The following ELOVL2 variants were observed in gnomAD, a reference collection of about 807,000 sequenced individuals.
The protein encoded by ELOVL2 is very long chain fatty acid elongase 2.
ELOVL2 carries 38 observed loss-of-function variants against 37.7 expected under a neutral mutation model. That is an observed-to-expected ratio of 1.01 (90% CI 0.78 to 1.32). The LOEUF (loss-of-function observed/expected upper bound fraction) is 1.32. Among genes scored for constraint, ELOVL2 ranks in the 40% most tolerant of loss-of-function variants. The pLI, the probability that ELOVL2 is intolerant of heterozygous loss-of-function variation, is 0.00. For missense variants in ELOVL2, 352 were observed against 363.6 expected, an observed-to-expected ratio of 0.97 and a Z score of 0.26; for synonymous variants, 115 against 122.3, an observed-to-expected ratio of 0.94 and a Z score of 0.40.
At chr6:11,016,936 G>A (rs1275567323) in intron 1 of ELOVL2, among the ~76,000 whole-genome samples, 1 of 148,334 alleles carries the variant, frequency 6.7e-6, no homozygotes, top group Non-Finnish European at 1.5e-5. Context: ...CCTTTTCAGG[G>A]CCTATCCACT....
intron 5 of ELOVL2, among the ~76,000 whole-genome samples, chr6:10,994,469 A>C (rs77313725): frequency 9.5e-6 from 1 of 105,774 alleles, no homozygotes; most frequent in East Asian, 7.5e-4. Flanking sequence ...ATTCCATCTC[A>C]AAAAAAAAAA....
At position 10,983,770 on chromosome 6, in the gene ELOVL2, G is replaced by T; in HGVS notation, c.*11C>A. The T allele has an allele frequency of 6.3e-7, 1 of 1,596,456 alleles. No homozygotes were observed. Among genetic ancestry groups the T allele is most frequent in the South Asian group, 1.1e-5 (1 of 87,222 alleles). ...TTAGGCTAGTATATGTGCTTTTTCTGTTACTCATTTTTATTGTGCTTTCTT... is the reference window on the plus strand; with the variant it reads ...TTAGGCTAGTATATGTGCTTTTTCTTTTACTCATTTTTATTGTGCTTTCTT... On this transcript the variant is annotated 3_prime_UTR_variant, in exon 8 of 8. Transcript: ENST00000354666.
intron 1 of ELOVL2, among the ~76,000 whole-genome samples, chr6:11,012,362 G>C (rs1246932525): frequency 2.0e-5 from 3 of 152,166 alleles, no homozygotes; most frequent in Non-Finnish European, 4.4e-5. Flanking sequence ...ATGTGAGAAA[G>C]GTCAGTTACC....
At chr6:10,998,254 A>C (rs1724490258) in intron 4 of ELOVL2, among the ~76,000 whole-genome samples, 1 of 152,202 alleles carries the variant, frequency 6.6e-6, no homozygotes, top group South Asian at 2.1e-4. Flanking sequence ...ACCCAGCCTC[A>C]GGTATTCCTT....
At chr6:11,043,404 AAC>A (rs34656289) in intron 1 of ELOVL2, 2,987 of 114,856 alleles carry the variant, frequency 0.026, 111 homozygotes, top group African/African-American at 0.067. Context: ...GACACGGGTG[AAC>A]ACACACACAC....
intron 1 of ELOVL2, among the ~76,000 whole-genome samples, chr6:11,026,960 A>G (rs140028623): frequency 9.3e-4 from 142 of 152,334 alleles, no homozygotes; most frequent in African/African-American, 3.0e-3. Flanking sequence ...AAGCTAATTA[A>G]CACATCCATT....
intron 7 of ELOVL2, among the ~76,000 whole-genome samples, chr6:10,987,631 G>C (rs1225640585): frequency 1.3e-5 from 2 of 151,946 alleles, no homozygotes; most frequent in African/African-American, 4.8e-5. Flanking sequence ...TTAAACTTCT[G>C]GTTAAAGATT....
In ELOVL2 at chr6:10,989,782, C is replaced by A; in HGVS notation, c.686G>T (p.Gly229Val). The A allele has an allele frequency of 6.2e-7, 1 of 1,614,156 alleles. No homozygotes were observed. The highest frequency in any genetic ancestry group is 1.1e-5 in the South Asian group (1 of 91,080). ...HTMSAVVKPC[G>V]FPFGCLIFQS... Reference sequence around the variant, plus strand: ...GAAGATGAGACAACCGAAGGGGAAGCCACACGGTTTCACGACGGCGCTCAT... The same window carrying A: ...GAAGATGAGACAACCGAAGGGGAAGACACACGGTTTCACGACGGCGCTCAT... The change falls in exon 7 of 8, where the codon GGC (glycine) becomes GTC (valine). Residue 229 changes from glycine (G) to valine (V), a missense_variant. Physicochemically the swap from Gly to Val is moderately radical, Grantham distance 109 (BLOSUM62 -3). Transcript: ENST00000354666.
At chr6:10,987,037 G>A (rs1224748739) in intron 7 of ELOVL2, among the ~76,000 whole-genome samples, 1 of 152,172 alleles carries the variant, frequency 6.6e-6, no homozygotes, top group African/African-American at 2.4e-5. Context: ...GCCTGTTACT[G>A]GTCTATTCAG....
intron 1 of ELOVL2, among the ~76,000 whole-genome samples, chr6:11,036,489 G>A (rs1783007386): frequency 1.3e-5 from 2 of 152,278 alleles, no homozygotes; most frequent in South Asian, 4.2e-4. Context: ...AATTCCCTGG[G>A]CTCTGGAGAT....
chr6:11,041,050 A>C (rs1041631348), intron 1 of ELOVL2, among the ~76,000 whole-genome samples: 1 of 152,208 alleles, frequency 6.6e-6, no homozygotes, highest in African/African-American at 2.4e-5. Context: ...TTAAGAAGAA[A>C]AGCTACAAAT....
At chr6:11,017,279 A>G (rs1782698485) in intron 1 of ELOVL2, among the ~76,000 whole-genome samples, 2 of 152,160 alleles carry the variant, frequency 1.3e-5, no homozygotes, top group African/African-American at 4.8e-5. Context: ...ATCTTTCCCA[A>G]TTTACAGATG....
intron 1 of ELOVL2, among the ~76,000 whole-genome samples, chr6:11,013,064 A>C (rs747987106): frequency 4.6e-5 from 7 of 152,234 alleles, no homozygotes; most frequent in Non-Finnish European, 7.3e-5. Context: ...AAGGAAAGAA[A>C]GAACACATCA....
chr6:11,042,231 T>C (rs1783109082), intron 1 of ELOVL2, among the ~76,000 whole-genome samples: 1 of 152,118 alleles, frequency 6.6e-6, no homozygotes, highest in African/African-American at 2.4e-5. Flanking sequence ...GAGAATCACT[T>C]GAGCCCAGGA....
chr6:11,027,638 C>T (rs751005530), intron 1 of ELOVL2, among the ~76,000 whole-genome samples: 11 of 152,122 alleles, frequency 7.2e-5, no homozygotes, highest in South Asian at 6.2e-4. Flanking sequence ...TTCTTCCACA[C>T]GAGAGCCCTT....
chr6:10,994,588 C>A (rs925598317), intron 5 of ELOVL2, among the ~76,000 whole-genome samples: 3 of 151,898 alleles, frequency 2.0e-5, no homozygotes, highest in African/African-American at 7.3e-5. Context: ...AGAGATGTAA[C>A]CTTAATTTTT....
intron 1 of ELOVL2, among the ~76,000 whole-genome samples, chr6:11,034,114 T>C (rs934152277): frequency 1.3e-5 from 2 of 152,176 alleles, no homozygotes; most frequent in African/African-American, 2.4e-5. Context: ...GCTGGCAATA[T>C]GAAAATAAGT....
chr6:10,982,083 CAG>C lies in ELOVL2; in HGVS notation c.*1696_*1697del, dbSNP rs1366550538. On this transcript the variant is annotated 3_prime_UTR_variant, in exon 8 of 8. Coordinates refer to ENST00000354666, the MANE Select transcript of ELOVL2 (RefSeq NM_017770.4). ...GATTTAGAAAGATAAATGTAAGAGT[CAG>C]GGGCATCACACAGGAGACATCTGTT... 6.6e-6 allele frequency: 1 copy of C among 152,228 alleles called. No homozygotes were observed. Among genetic ancestry groups the C allele is most frequent in the Non-Finnish European group, 1.5e-5 (1 of 68,092 alleles). 9.4% of individuals were successfully genotyped at this position (152,228 alleles called of 1,614,324 possible).
At chr6:11,019,717 A>C (rs976758390) in intron 1 of ELOVL2, among the ~76,000 whole-genome samples, 3 of 150,298 alleles carry the variant, frequency 2.0e-5, no homozygotes, top group Admixed American at 1.3e-4. Context: ...ATATGTCTCT[A>C]TCGTTTTAGT....
Sources: allele counts gnomAD v4.1 joint callset (sites outside exome capture counted in the v4.1 genomes callset), GRCh38; gene constraint gnomAD v4.1.1; transcripts MANE v1.5; gene names NCBI Gene and HGNC (gene_info 2026-07-23, HGNC 2026-07-21).